DOK7: variants seen among roughly 807,000 people sequenced by gnomAD.
The protein encoded by DOK7 is protein Dok-7.
DOK7 carries 32 observed loss-of-function variants against 30.7 expected under a neutral mutation model. The observed-to-expected ratio is 1.04, with a 90% CI of 0.79 to 1.40. The LOEUF is 1.40. DOK7 is among the 40% of genes most tolerant of loss of function. The probability of loss-of-function intolerance (pLI) is 0.00; values close to 1 mark genes in which losing one functional copy is unlikely to be tolerated. For synonymous variants in DOK7, 447 were observed against 324.1 expected, an observed-to-expected ratio of 1.38 and a Z score of -4.07; for missense variants, 1,007 against 699.2, an observed-to-expected ratio of 1.44 and a Z score of -4.97.
chr4:3,487,307 T>G (rs1321402066), intron 5 of DOK7, among the ~76,000 whole-genome samples: 9 of 152,206 alleles, frequency 5.9e-5, no homozygotes, highest in African/African-American at 1.9e-4. Flanking sequence ...CTGGACTTAC[T>G]GGAGGGTCTG....
At chr4:3,495,049 G>T (rs1332042151), downstream of DOK7, among the ~76,000 whole-genome samples, 2 of 152,188 alleles carry the variant, frequency 1.3e-5, no homozygotes, top group African/African-American at 2.4e-5. Context: ...CGTGGGCTTT[G>T]GGGACTGAGT....
chr4:3,476,395 G>T lies in DOK7; in HGVS notation c.385G>T (p.Ala129Ser). 1 of 1,613,142 alleles carries T rather than the reference G, an allele frequency of 6.2e-7. No individual in the cohort carries two copies. The highest frequency in any genetic ancestry group is 8.5e-7 in the Non-Finnish European group (1 of 1,179,982). Residue 129 changes from alanine (A) to serine (S), a missense_variant, in exon 4 of 7, where the codon GCT becomes TCT. By Grantham distance (99) the Ala-to-Ser change is moderately conservative. Coordinates refer to ENST00000340083, the MANE Select transcript of DOK7 (RefSeq NM_173660.5). Reference protein sequence around the residue: ...APGTKLESGPATLHLCNDVLV... With the variant: ...APGTKLESGPSTLHLCNDVLV... ...AGGCACCAAGTTGGAGAGCGGCCCG[G>T]CTACCCTGCACCTCTGCAATGATGT...
Position 3,494,140 on chromosome 4 carries a change from G to A in DOK7, c.*639G>A, listed in dbSNP as rs200027105. ...TTGTGGGAAGGTTCCGGGAGCAGGT[G>A]GTGTCCTCAGAGCAGCCTCGCCTGC... On this transcript the variant is annotated 3_prime_UTR_variant, in exon 7 of 7. Coordinates refer to ENST00000340083, the MANE Select transcript of DOK7 (RefSeq NM_173660.5). The A allele has an allele frequency of 2.5e-4, 250 of 985,778 alleles. No homozygotes were observed. In the African/African-American group the frequency reaches 3.8e-3, roughly 15 times the overall value. The allele number at this position is 985,778 out of a possible 1,614,324, so 61.1% of individuals were successfully genotyped here.
rs1728738052 is a variant in DOK7 at position 3,494,000 on chromosome 4, G to A, written c.*499G>A. 5 of 902,946 alleles carry A rather than the reference G, an allele frequency of 5.5e-6. No homozygotes were observed. The highest frequency in any genetic ancestry group is 6.3e-6 in the Non-Finnish European group (5 of 796,862). 55.9% of individuals were successfully genotyped at this position (902,946 alleles called of 1,614,324 possible). A position where few individuals can be genotyped will look rare whatever the true frequency, so the allele number is the denominator to read the frequency against. ...TGGGCTCCACCAGCCCAGCCCCCCT[G>A]GGCTCCGTGTGCGCTGGGCCTCATC... On this transcript the variant is annotated 3_prime_UTR_variant, in exon 7 of 7. Coordinates refer to ENST00000340083, the MANE Select transcript of DOK7 (RefSeq NM_173660.5).
intron 2 of DOK7, among the ~76,000 whole-genome samples, chr4:3,471,534 G>A (rs929632218): frequency 6.6e-6 from 1 of 152,266 alleles, no homozygotes; most frequent in Admixed American, 6.5e-5. Flanking sequence ...AACTGCAGAC[G>A]GTGGAGACTG....
At chr4:3,490,537 G>C (rs1382331765) in intron 6 of DOK7, among the ~76,000 whole-genome samples, 27 of 56,290 alleles carry the variant, frequency 4.8e-4, no homozygotes, top group African/African-American at 1.3e-3. Context: ...CCGCTCATTC[G>C]TTCCTTCCTT....
downstream of DOK7, among the ~76,000 whole-genome samples, chr4:3,495,955 TC>T: frequency 6.6e-6 from 1 of 152,300 alleles, no homozygotes. Context: ...TGCCCTTGAG[TC>T]TGGCCTGCAC....
chr4:3,494,558 C>CGAA, downstream of DOK7: 1 of 978,814 alleles, frequency 1.0e-6, no homozygotes, highest in Non-Finnish European at 1.2e-6. Flanking sequence ...TGCCTGGATG[C>CGAA]GAAGTCCCCG....
chr4:3,496,862 G>C, downstream of DOK7: 1 of 1,535,534 alleles, frequency 6.5e-7, no homozygotes, highest in Non-Finnish European at 8.7e-7. Context: ...AGCACATTCA[G>C]GTAGGCACCT....
intron 6 of DOK7, among the ~76,000 whole-genome samples, chr4:3,491,415 T>A (rs59828459): frequency 6.9e-4 from 99 of 144,136 alleles, no homozygotes; most frequent in South Asian, 6.4e-3. Flanking sequence ...AGCTTCCTTC[T>A]TTCCTTCTTC....
intron 4 of DOK7, chr4:3,484,540 G>A: frequency 1.0e-6 from 1 of 985,518 alleles, no homozygotes; most frequent in Non-Finnish European, 1.2e-6. Flanking sequence ...CAGCCCAGTG[G>A]CCCATTCACG....
chr4:3,476,460 G>A lies in DOK7; in HGVS notation c.450G>A (p.Gly150=), dbSNP rs775879152. The change falls in exon 4 of 7, where the codon GGG becomes GGA. Residue 150 remains glycine (G), a synonymous_variant. Coordinates refer to ENST00000340083, the MANE Select transcript of DOK7 (RefSeq NM_173660.5). ...LARDIPPAVT[G]QWKLSDLRRY... ...GGGACATCCCCCCGGCTGTCACGGG[G>A]CAGTGGAAGCTGTCTGACCTCCGGC... is the stretch of plus-strand genomic sequence containing the variant. 1.2e-6 allele frequency: 2 copies of A among 1,613,842 alleles called. No individual in the cohort carries two copies. The highest frequency in any genetic ancestry group is 1.1e-5 in the South Asian group (1 of 91,070).
intron 2 of DOK7, among the ~76,000 whole-genome samples, chr4:3,471,171 G>A (rs1216335211): frequency 1.3e-5 from 2 of 152,238 alleles, no homozygotes; most frequent in Admixed American, 6.5e-5. Flanking sequence ...CTTATAGCTG[G>A]TAACGCAGAC....
chr4:3,465,302 C>T, intron 2 of DOK7, among the ~76,000 whole-genome samples: 1 of 152,220 alleles, frequency 6.6e-6, no homozygotes. Context: ...GCCTCTTCCC[C>T]TGGCCCCTCA....
intron 4 of DOK7, chr4:3,485,223 TGTCG>T (rs1205853662): frequency 2.4e-5 from 7 of 288,584 alleles, no homozygotes; most frequent in Non-Finnish European, 4.4e-5. Flanking sequence ...CCCCATGCCC[TGTCG>T]GCTGCAGGAC....
intron 2 of DOK7, among the ~76,000 whole-genome samples, chr4:3,465,268 T>G (rs758675982): frequency 6.6e-6 from 1 of 152,152 alleles, no homozygotes; most frequent in Non-Finnish European, 1.5e-5. Flanking sequence ...GCCTGGCACC[T>G]CCTCTCCGCT....
chr4:3,485,428 T>G (rs1577165181), intron 4 of DOK7, 111 bp from the exon 5 acceptor site: 19 of 1,326,780 alleles, frequency 1.4e-5, no homozygotes, highest in South Asian at 1.0e-4. Flanking sequence ...CCAGGCAGGG[T>G]GTCATTGTCG....
At chr4:3,469,050 CTG>C (rs747746545) in intron 2 of DOK7, among the ~76,000 whole-genome samples, 9 of 112,840 alleles carry the variant, frequency 8.0e-5, no homozygotes, top group Admixed American at 1.8e-4. Context: ...GTGTGCATGT[CTG>C]TGTGTGCATT....
Position 3,493,665 on chromosome 4 carries a change from G to A in DOK7, c.*164G>A, listed in dbSNP as rs1301715220. 1.0e-4 allele frequency: 148 copies of A among 1,454,194 alleles called. No individual in the cohort carries two copies. Among genetic ancestry groups the A allele is most frequent in the Non-Finnish European group, 1.2e-4 (128 of 1,103,016 alleles). The allele number at this position is 1,454,194 out of a possible 1,614,324, so 90.1% of individuals were successfully genotyped here. ...GAGGGCGCGCCCTGTGGCTGCCACC[G>A]GAGGAAGGGGCTGACTTGGGGAGGT... On this transcript the variant is annotated 3_prime_UTR_variant, in exon 7 of 7. Coordinates refer to ENST00000340083, the MANE Select transcript of DOK7 (RefSeq NM_173660.5).
Sources: gnomAD v4.1 joint callset for allele counts (sites outside exome capture counted in the v4.1 genomes callset) on GRCh38, gnomAD v4.1.1 for gene constraint, MANE v1.5 for transcripts, NCBI Gene and HGNC (gene_info 2026-07-23, HGNC 2026-07-21) for gene names.